Variants in ZNF185 observed in about 807,000 individuals in gnomAD.
ZNF185 encodes zinc finger protein 185 with LIM domain.
Under a neutral mutation model 58.6 loss-of-function variants are expected in ZNF185, and 56 were observed. That is an observed-to-expected ratio of 0.95 (90% CI 0.77 to 1.19). The LOEUF is 1.19. Among genes scored for constraint, ZNF185 ranks in the 50% most tolerant of loss-of-function variants. The pLI is 0.00. For missense variants in ZNF185, 627 were observed against 573.5 expected (o/e 1.09, Z -0.95); for synonymous variants, 230 against 215.9 (o/e 1.07, Z -0.57).
the ZNF185 span, among the ~76,000 whole-genome samples, chrX:152,901,378 G>A: frequency 9.2e-6 from 1 of 109,138 alleles, no homozygotes; most frequent in Non-Finnish European, 1.9e-5. Context: ...TCAGCCTCCC[G>A]AGTAGCTGGC....
chrX:152,915,099 G>A (rs1556864739), intron 2 of ZNF185, 39 bp from the exon 4 acceptor site: 1 of 1,194,684 alleles, frequency 8.4e-7, no homozygotes, highest in Non-Finnish European at 1.1e-6. Context: ...GTGACAGGGA[G>A]TCTCGGAGCC....
upstream of ZNF185, among the ~76,000 whole-genome samples, chrX:152,911,209 C>A (rs187695307): frequency 4.3e-3 from 480 of 111,796 alleles, 2 homozygotes; most frequent in African/African-American, 0.015. Context: ...GGGCTTAGCT[C>A]GGCGGAAGTT....
chrX:152,920,520 C>T lies in ZNF185; in HGVS notation c.614+109C>T, dbSNP rs1939484622. On this transcript the variant is annotated intron_variant, in intron 8 of 22. Coordinates refer to ENST00000449285, the Ensembl canonical transcript of ZNF185. ...GGGTGGAGAGATCACCCCCAAGGGC[C>T]TTCCTAGCTGAGCCTTCTCAGATTC... 3.1e-6 allele frequency: 3 copies of T among 956,733 alleles called. No individual in the cohort carries two copies. The East Asian group carries it at 9.6e-5, about 30-fold the overall frequency. The allele number at this position is 956,733 out of a possible 1,213,427, so 78.8% of individuals were successfully genotyped here. A position where few individuals can be genotyped will look rare whatever the true frequency, so the allele number is the denominator to read the frequency against.
chrX:152,899,780 A>G, the ZNF185 span, among the ~76,000 whole-genome samples: 2 of 111,948 alleles, frequency 1.8e-5, no homozygotes, highest in African/African-American at 6.5e-5. Context: ...CTGGAGGCGA[A>G]GGGCTTGGAA....
intron 15 of ZNF185, among the ~76,000 whole-genome samples, chrX:152,938,914 A>G (rs868990985): frequency 1.1e-5 from 1 of 90,706 alleles, no homozygotes; most frequent in Non-Finnish European, 2.2e-5. Context: ...TCTAAAGAGG[A>G]GAAGGAGCCA....
chrX:152,913,745 C>G (rs1937721696), upstream of ZNF185, among the ~76,000 whole-genome samples: 1 of 112,432 alleles, frequency 8.9e-6, no homozygotes, highest in Non-Finnish European at 1.9e-5. Flanking sequence ...TGTTTGAGGA[C>G]CACCGCGCCT....
chrX:152,926,470 G>A (rs1410416617), intron 11 of ZNF185, among the ~76,000 whole-genome samples: 1 of 112,735 alleles, frequency 8.9e-6, no homozygotes, highest in East Asian at 2.8e-4. Flanking sequence ...GTGAAAAGGA[G>A]GTATCCCCTC....
chrX:152,917,442 C>G (rs782477987), intron 5 of ZNF185, 80 bp downstream of exon 6: 129 of 1,097,369 alleles, frequency 1.2e-4, no homozygotes, highest in Non-Finnish European at 1.5e-4. Context: ...AGACAGTGCT[C>G]TGCCTATCAG....
At chrX:152,970,526 T>C in exon 22 of ZNF185, 1 of 1,210,494 alleles carries the variant, frequency 8.3e-7, no homozygotes, top group Middle Eastern at 2.3e-4. Flanking sequence ...GGAAATGCTA[T>C]GAGAAGCTCT....
At chrX:152,960,429 A>G (rs1233068983) in intron 17 of ZNF185, among the ~76,000 whole-genome samples, 2 of 111,991 alleles carry the variant, frequency 1.8e-5, no homozygotes, top group Non-Finnish European at 3.8e-5. Context: ...GGGGCTCTGA[A>G]TTTTCTGAGA....
chrX:152,938,350 CTG>C (rs1408120380), intron 15 of ZNF185, among the ~76,000 whole-genome samples, 187 bp downstream of exon 17: 3 of 112,615 alleles, frequency 2.7e-5, no homozygotes, highest in African/African-American at 9.7e-5. Context: ...TTCCACTAAA[CTG>C]TTGCCTTGGC....
At chrX:152,907,883 A>G in the ZNF185 span, among the ~76,000 whole-genome samples, 3 of 113,129 alleles carry the variant, frequency 2.7e-5, no homozygotes, top group African/African-American at 9.6e-5. Context: ...CCAAAAAACC[A>G]GAAGTCTTCT....
At chrX:152,957,429 G>A (rs2048960874) in intron 16 of ZNF185, among the ~76,000 whole-genome samples, 1 of 111,624 alleles carries the variant, frequency 9.0e-6, no homozygotes, top group East Asian at 2.8e-4. Context: ...ACTGTGAAAG[G>A]GCAAAACCTT....
At chrX:152,969,554 G>T in intron 21 of ZNF185, 70 bp downstream of exon 23, 1 of 843,540 alleles carries the variant, frequency 1.2e-6, no homozygotes, top group Admixed American at 2.6e-5. Flanking sequence ...AGAACGTTTT[G>T]TAGAGTGCGG....
At chrX:152,931,564 C>T in intron 12 of ZNF185, 108 bp from the exon 14 acceptor site, 1 of 634,637 alleles carries the variant, frequency 1.6e-6, no homozygotes, top group Non-Finnish European at 2.4e-6. Context: ...GGCCCAGTAG[C>T]AGGTTTTAAG....
At chrX:152,946,358 G>A (rs1339170255) in intron 16 of ZNF185, among the ~76,000 whole-genome samples, 1 of 103,425 alleles carries the variant, frequency 9.7e-6, no homozygotes, top group Non-Finnish European at 2.0e-5. Flanking sequence ...GTACCACAGA[G>A]GTTCCATAAT....
At chrX:152,922,769 C>T (rs781811167) in exon 11 of ZNF185, 1 of 1,201,287 alleles carries the variant, frequency 8.3e-7, no homozygotes, top group East Asian at 3.0e-5. Flanking sequence ...GATCGAGTGC[C>T]TGCCAAGTAT....
rs138596715 is a variant in ZNF185 at position 152,937,787 on chromosome X, C to T, written c.1122-287C>T. On this transcript the variant is annotated intron_variant, in intron 14 of 22. Coordinates refer to ENST00000449285, the Ensembl canonical transcript of ZNF185. ...CCTTGAACAAAGCACATCCAGGTAC[C>T]TTACAGGATACTAGAACCCAAAACC... 4.5e-3 allele frequency among the ~76,000 whole-genome samples: 500 copies of T among 112,355 alleles called. 10 individuals carry two copies. The highest frequency in any genetic ancestry group is 0.015 in the African/African-American group (476 of 30,888).
At chrX:152,965,658 G>A in intron 19 of ZNF185, 131 bp downstream of exon 21, 2 of 526,072 alleles carry the variant, frequency 3.8e-6, no homozygotes, top group Non-Finnish European at 6.3e-6. Flanking sequence ...GAGTGGATGA[G>A]TGATGTAGTT....
Sources: allele counts gnomAD v4.1 joint callset (sites outside exome capture counted in the v4.1 genomes callset), GRCh38; gene constraint gnomAD v4.1.1; transcripts MANE v1.5; gene names NCBI Gene and HGNC (gene_info 2026-07-23, HGNC 2026-07-21).